OSBPL1A: variants seen among roughly 807,000 people sequenced by gnomAD.
OSBPL1A encodes oxysterol binding protein like 1A, also known as oxysterol-binding protein-related protein 1.
Under a neutral mutation model 137.1 loss-of-function variants are expected in OSBPL1A, and 80 were observed. The ratio of observed to expected loss-of-function variants is 0.58; its 90% CI spans 0.49 to 0.70. The LOEUF (loss-of-function observed/expected upper bound fraction) is 0.70, where lower values mean the gene tolerates loss of function less well. OSBPL1A is among the 30% of genes least tolerant of loss of function. The pLI is 0.00. For missense variants in OSBPL1A, 970 were observed against 1,129.4 expected, an observed-to-expected ratio of 0.86 and a Z score of 2.02; for synonymous variants, 365 against 389.7, an observed-to-expected ratio of 0.94 and a Z score of 0.75.
In OSBPL1A at chr18:24,172,734, C is replaced by A. The variant is rs375846694; in HGVS notation, c.2094-251G>T. On this transcript the variant is annotated intron_variant, in intron 21 of 27. Coordinates refer to ENST00000319481, the MANE Select transcript of OSBPL1A (RefSeq NM_080597.4). ...CTTCCACCAAACTCCAAATAAACTA[C>A]GTACATAATCATTTTAAGCATTCAA... Among the ~76,000 whole-genome samples the A allele has an allele frequency of 1.1e-4, 16 of 151,924 alleles. No individual in the cohort carries two copies. The East Asian group carries it at 2.9e-3, about 27-fold the overall frequency.
chr18:24,354,888 C>T (rs1432648952), intron 4 of OSBPL1A, among the ~76,000 whole-genome samples: 1 of 152,106 alleles, frequency 6.6e-6, no homozygotes, highest in African/African-American at 2.4e-5. Flanking sequence ...GTCAGCCCTC[C>T]CACTGTTCCC....
At position 24,188,350 on chromosome 18, in the gene OSBPL1A, G is replaced by C. The variant is rs369026025; in HGVS notation, c.1678-7071C>G. ...CACAGCCACGGGCTCCTCAACACCA[G>C]CCACCGGGCTTTCCAGGGGCTTGAA... is the stretch of plus-strand genomic sequence containing the variant. On this transcript the variant is annotated intron_variant, in intron 18 of 27. Coordinates refer to ENST00000319481, the MANE Select transcript of OSBPL1A (RefSeq NM_080597.4). 1.1e-4 allele frequency among the ~76,000 whole-genome samples: 17 copies of C among 152,338 alleles called. 1 individual carries two copies. The East Asian group carries it at 1.2e-3, about 10-fold the overall frequency.
intron 15 of OSBPL1A, among the ~76,000 whole-genome samples, chr18:24,262,088 T>C (rs1230642180): frequency 1.3e-5 from 2 of 152,238 alleles, no homozygotes; most frequent in Non-Finnish European, 2.9e-5. Context: ...ATATCTTCCA[T>C]ATATATCTCA....
chr18:24,303,259 A>T (rs1489262373), intron 14 of OSBPL1A, among the ~76,000 whole-genome samples: 1 of 152,094 alleles, frequency 6.6e-6, no homozygotes, highest in Non-Finnish European at 1.5e-5. Flanking sequence ...CCTTGGCCTC[A>T]CAAAGTACTG....
intron 27 of OSBPL1A, 100 bp from the exon 28 acceptor site, chr18:24,163,381 T>TG: frequency 1.3e-6 from 1 of 798,432 alleles, no homozygotes; most frequent in Non-Finnish European, 2.1e-6. Flanking sequence ...AGCAACTCAT[T>TG]CTGTGAGTGA....
chr18:24,314,445 C>T (rs12966456), intron 11 of OSBPL1A, 98 bp from the exon 12 acceptor site: 102,462 of 762,974 alleles, frequency 0.13, 7,166 homozygotes, highest in South Asian at 0.17. Context: ...CATGACTTAA[C>T]GATACCCAGT....
intron 21 of OSBPL1A, among the ~76,000 whole-genome samples, chr18:24,174,036 C>T (rs1183538445): frequency 6.6e-6 from 1 of 152,138 alleles, no homozygotes; most frequent in Admixed American, 6.5e-5. Context: ...TATAATGCAC[C>T]TGAAATTCAT....
chr18:24,211,516 C>CT (rs1252511354), intron 17 of OSBPL1A, among the ~76,000 whole-genome samples: 1 of 152,032 alleles, frequency 6.6e-6, no homozygotes, highest in Non-Finnish European at 1.5e-5. Context: ...ACTGTTGTAA[C>CT]TTTTTTGTCC....
chr18:24,181,505 C>T (rs775514896), intron 18 of OSBPL1A, among the ~76,000 whole-genome samples: 2 of 152,216 alleles, frequency 1.3e-5, no homozygotes, highest in Non-Finnish European at 2.9e-5. Context: ...CCCAAACATT[C>T]TCCTTGGCTC....
intron 7 of OSBPL1A, 151 bp from the exon 8 acceptor site, chr18:24,318,960 A>G: frequency 1.5e-6 from 1 of 672,292 alleles, no homozygotes; most frequent in Non-Finnish European, 2.6e-6. Flanking sequence ...AGAGGTTGCC[A>G]TCTCAATTAT....
At chr18:24,241,773 T>G (rs529612125) in intron 15 of OSBPL1A, among the ~76,000 whole-genome samples, 1 of 152,358 alleles carries the variant, frequency 6.6e-6, no homozygotes, top group South Asian at 2.1e-4. Context: ...ATCCCATTAC[T>G]GGGTATATAC....
intron 17 of OSBPL1A, among the ~76,000 whole-genome samples, chr18:24,221,085 G>A (rs117313775): frequency 0.031 from 4,789 of 152,182 alleles, 116 homozygotes; most frequent in South Asian, 0.05. Flanking sequence ...CTGGCCTAGG[G>A]AATGAGGTTT....
chr18:24,175,118 A>G (rs1278986116), intron 21 of OSBPL1A, among the ~76,000 whole-genome samples: 31 of 126,698 alleles, frequency 2.4e-4, no homozygotes, highest in Middle Eastern at 3.9e-3. Flanking sequence ...GTATATATAT[A>G]TATATATATA....
intron 3 of OSBPL1A, among the ~76,000 whole-genome samples, chr18:24,367,228 T>TTATATATATATA (rs35876308): frequency 5.4e-5 from 8 of 147,094 alleles, no homozygotes; most frequent in African/African-American, 2.0e-4. Flanking sequence ...AGACTCCATC[T>TTATATATATATA]TATATATATA....
rs560188097 is a variant in OSBPL1A, at chr18:24,174,980, T to C, written c.2094-2497A>G. Among the ~76,000 whole-genome samples, 15 of 151,180 alleles carry C rather than the reference T, an allele frequency of 9.9e-5. No individual in the cohort carries two copies. The East Asian group carries it at 2.1e-3, about 22-fold the overall frequency. ...TTTTTTTAGAGACGGATTTTCACTA[T>C]GTTGCCTAGGCTGGTCTTGAACTCT... On this transcript the variant is annotated intron_variant, in intron 21 of 27. Coordinates refer to ENST00000319481, the MANE Select transcript of OSBPL1A (RefSeq NM_080597.4).
chr18:24,213,580 A>AATG (rs1717285252), intron 17 of OSBPL1A, among the ~76,000 whole-genome samples: 1 of 152,164 alleles, frequency 6.6e-6, no homozygotes, highest in African/African-American at 2.4e-5. Flanking sequence ...TGATAATAAT[A>AATG]ATAATAAAAT....
chr18:24,368,868 T>C (rs922505317), intron 2 of OSBPL1A, among the ~76,000 whole-genome samples: 1 of 152,166 alleles, frequency 6.6e-6, no homozygotes. Flanking sequence ...GGTTTGGATT[T>C]GTCCCCACCC....
At chr18:24,307,100 A>C (rs199569063) in intron 13 of OSBPL1A, among the ~76,000 whole-genome samples, 4,729 of 151,800 alleles carry the variant, frequency 0.031, 113 homozygotes, top group African/African-American at 0.059. Context: ...TACAAAAAAA[A>C]AAAAACAAAA....
rs750944195 is a variant in OSBPL1A at position 24,172,491 on chromosome 18, A to G, written c.2094-8T>C. 1.1e-4 allele frequency: 175 copies of G among 1,585,566 alleles called. No individual in the cohort carries two copies. Among genetic ancestry groups the G allele is most frequent in the Non-Finnish European group, 1.5e-4 (174 of 1,154,880 alleles). ...GTATATGCCTCATTGTGTCTAAAAA[A>G]CAAAACCAAACCCAGAAGCATAAGT... On this transcript the variant is annotated splice_polypyrimidine_tract_variant and splice_region_variant and intron_variant, in intron 21 of 27. Transcript: ENST00000319481.
Sources: gnomAD v4.1 joint callset for allele counts (sites outside exome capture counted in the v4.1 genomes callset) on GRCh38, gnomAD v4.1.1 for gene constraint, MANE v1.5 for transcripts, NCBI Gene and HGNC (gene_info 2026-07-23, HGNC 2026-07-21) for gene names.